The following LCA5 variants were observed in gnomAD, a reference collection of about 807,000 sequenced individuals.
LCA5 encodes the protein lebercilin LCA5.
LCA5 carries 37 observed loss-of-function variants against 53.0 expected under a neutral mutation model. That is an observed-to-expected ratio of 0.70 (90% CI 0.54 to 0.92). The LOEUF (loss-of-function observed/expected upper bound fraction) is 0.92. Ranked by LOEUF, LCA5 falls within the 40% of genes least tolerant of loss-of-function variation. The pLI is 0.00. For synonymous variants in LCA5, 303 were observed against 282.9 expected (o/e 1.07, Z -0.71); for missense variants, 806 against 790.5 (o/e 1.02, Z -0.23).
chr6:79,501,990 A>G (rs1485363), intron 3 of LCA5, among the ~76,000 whole-genome samples: 75,273 of 151,740 alleles, frequency 0.5, 20,050 homozygotes, highest in East Asian at 0.81. Context: ...TAAGCAGGGC[A>G]GTGGGGGGAA....
intron 1 of LCA5, among the ~76,000 whole-genome samples, chr6:79,533,349 G>T (rs560847185): frequency 6.6e-6 from 1 of 151,986 alleles, no homozygotes; most frequent in Non-Finnish European, 1.5e-5. Context: ...GCAGGAGGAG[G>T]GGGGAGCGAG....
chr6:79,527,115 G>T (rs1184049202), intron 1 of LCA5, among the ~76,000 whole-genome samples: 4 of 152,058 alleles, frequency 2.6e-5, no homozygotes, highest in Admixed American at 2.6e-4. Flanking sequence ...AGCTGGGAAG[G>T]ACCCTCAAGT....
chr6:79,534,687 T>A (rs1254920897), intron 1 of LCA5, among the ~76,000 whole-genome samples: 8 of 152,006 alleles, frequency 5.3e-5, no homozygotes, highest in Admixed American at 5.2e-4. Flanking sequence ...CTAAATTGAG[T>A]CTTACGGTAT....
chr6:79,535,350 G>A (rs752853960), intron 1 of LCA5, among the ~76,000 whole-genome samples: 2 of 152,156 alleles, frequency 1.3e-5, no homozygotes, highest in Non-Finnish European at 2.9e-5. Context: ...CTAAGAATTG[G>A]AGGGCAGGAA....
Position 79,487,263 on chromosome 6 carries a change from C to A in LCA5, c.1835G>T (p.Ser612Ile), listed in dbSNP as rs764235088. 11 of 1,614,138 alleles carry A rather than the reference C, an allele frequency of 6.8e-6. No individual in the cohort carries two copies. The South Asian group carries it at 1.1e-4, about 16-fold the overall frequency. Residue 612 changes from serine to isoleucine, a missense_variant, in exon 8 of 8, where the codon AGT (serine) becomes ATT (isoleucine). Coordinates refer to ENST00000369846, the MANE Select transcript of LCA5 (RefSeq NM_001122769.3). ...ANLMEQLFGA[S>I]GSSTISSKSS... ...TTTGGAGGAAATGGTGCTGCTACCA[C>A]TGGCACCAAATAACTGTTCCATCAA...
intron 3 of LCA5, among the ~76,000 whole-genome samples, chr6:79,496,728 T>TA: frequency 6.6e-6 from 1 of 152,124 alleles, no homozygotes; most frequent in South Asian, 2.1e-4. Flanking sequence ...TTATAGATAA[T>TA]AAAAAACAGT....
At chr6:79,511,322 T>C (rs1259339724) in intron 3 of LCA5, among the ~76,000 whole-genome samples, 1 of 152,174 alleles carries the variant, frequency 6.6e-6, no homozygotes, top group African/African-American at 2.4e-5. Context: ...ACTATTGATA[T>C]ATGCAACCAT....
At chr6:79,526,089 G>C (rs544003965) in intron 1 of LCA5, among the ~76,000 whole-genome samples, 2 of 152,132 alleles carry the variant, frequency 1.3e-5, no homozygotes, top group Admixed American at 6.5e-5. Context: ...AAGGCCTCCC[G>C]AACTAAGACC....
intron 1 of LCA5, among the ~76,000 whole-genome samples, chr6:79,533,278 G>C (rs902491723): frequency 6.6e-6 from 1 of 152,112 alleles, no homozygotes. Flanking sequence ...AAGATTTATA[G>C]TCCATGTGTA....
chr6:79,488,766 A>C, intron 7 of LCA5: 2 of 433,854 alleles, frequency 4.6e-6, no homozygotes, highest in Non-Finnish European at 8.0e-6. Flanking sequence ...ATTTTAAAAT[A>C]TGTAAGAACA....
At chr6:79,498,442 T>TA (rs974323796) in intron 3 of LCA5, among the ~76,000 whole-genome samples, 25 of 151,794 alleles carry the variant, frequency 1.6e-4, no homozygotes, top group African/African-American at 2.7e-4. Flanking sequence ...GAGAACATGT[T>TA]AAAAAAAATA....
At chr6:79,493,896 G>A in intron 3 of LCA5, 146 bp from the exon 4 acceptor site, 2 of 609,124 alleles carry the variant, frequency 3.3e-6, no homozygotes, top group Non-Finnish European at 5.7e-6. Context: ...TACATAAGCT[G>A]GGAAACAGAT....
At position 79,487,653 on chromosome 6, in the gene LCA5, C is replaced by T. The variant is rs1319010087; in HGVS notation, c.1445G>A (p.Arg482Gln). The T allele has an allele frequency of 9.3e-6, 15 of 1,613,858 alleles. No homozygotes were observed. Among genetic ancestry groups the T allele is most frequent in the East Asian group, 4.5e-5 (2 of 44,878 alleles). Residue 482 changes from arginine to glutamine, a missense_variant, in exon 8 of 8, where the codon CGA (arginine) becomes CAA (glutamine). Arg to Gln is a conservative substitution (Grantham distance 43). Coordinates refer to ENST00000369846, the MANE Select transcript of LCA5 (RefSeq NM_001122769.3). ...TGGCAAAACAGGGTATTTTAGATTTCGAGAATCTTGGAGTTCTCTGTCAAT... is the reference window on the plus strand; with the variant it reads ...TGGCAAAACAGGGTATTTTAGATTTTGAGAATCTTGGAGTTCTCTGTCAAT... ...NEIDRELQDS[R>Q]NLKYPVLPLL...
Position 79,487,241 on chromosome 6 carries a change from G to A in LCA5, c.1857C>T (p.Ser619=). 2 of 1,613,986 alleles carry A rather than the reference G, an allele frequency of 1.2e-6. No individual in the cohort carries two copies. Among genetic ancestry groups the A allele is most frequent in the South Asian group, 2.2e-5 (2 of 91,074 alleles). ...CCACAGAATTTGGGTCACTGCTTTT[G>A]GAGGAAATGGTGCTGCTACCACTGG... The part of the protein sequence containing the change: ...FGASGSSTIS[S]KSSDPNSVAS... Residue 619 remains serine (S), a synonymous_variant, in exon 8 of 8, where the codon TCC becomes TCT. Transcript: ENST00000369846.
At chr6:79,512,484 CTAAT>C (rs1476222001) in intron 3 of LCA5, among the ~76,000 whole-genome samples, 1 of 152,094 alleles carries the variant, frequency 6.6e-6, no homozygotes, top group Non-Finnish European at 1.5e-5. Flanking sequence ...CTGCAGAAAC[CTAAT>C]TTATTTGTAG....
rs200329614 is a variant in LCA5, at chr6:79,508,629, G to GA, written c.720+4582dup. ...AATAAAACAAAAAGTTACAGCAAAA[G>GA]AAAAAAAAAAACACCACCACATAGA... is the stretch of plus-strand genomic sequence containing the variant. On this transcript the variant is annotated intron_variant, in intron 3 of 7. Coordinates refer to ENST00000369846, the MANE Select transcript of LCA5 (RefSeq NM_001122769.3). 1.6e-3 allele frequency among the ~76,000 whole-genome samples: 227 copies of GA among 140,336 alleles called. 1 individual carries two copies. The highest frequency in any genetic ancestry group is 3.7e-3 in the African/African-American group (139 of 37,598). 92.1% of individuals were successfully genotyped at this position (140,336 alleles called of 152,430 possible). A position where few individuals can be genotyped will look rare whatever the true frequency, so the allele number is the denominator to read the frequency against.
At chr6:79,535,630 A>T (rs1038895185) in intron 1 of LCA5, among the ~76,000 whole-genome samples, 1 of 152,148 alleles carries the variant, frequency 6.6e-6, no homozygotes, top group Non-Finnish European at 1.5e-5. Flanking sequence ...TATTGGACAT[A>T]CTGAGTTTGG....
intron 3 of LCA5, among the ~76,000 whole-genome samples, chr6:79,510,313 A>T (rs1770378387): frequency 1.3e-5 from 2 of 152,190 alleles, no homozygotes; most frequent in Admixed American, 1.3e-4. Flanking sequence ...ACAAACAATA[A>T]AGAACCTCAA....
At chr6:79,514,193 C>T (rs1582641296) in intron 2 of LCA5, among the ~76,000 whole-genome samples, 1 of 152,096 alleles carries the variant, frequency 6.6e-6, no homozygotes, top group Non-Finnish European at 1.5e-5. Flanking sequence ...TTTCAATTTG[C>T]ATTTTTCTAA....
Sources: gnomAD v4.1 joint callset for allele counts (sites outside exome capture counted in the v4.1 genomes callset) on GRCh38, gnomAD v4.1.1 for gene constraint, MANE v1.5 for transcripts, NCBI Gene and HGNC (gene_info 2026-07-23, HGNC 2026-07-21) for gene names.